Variants in CDKN2A observed in about 807,000 individuals in gnomAD.
The protein encoded by CDKN2A is cyclin dependent kinase inhibitor 2A.
In CDKN2A, 3 loss-of-function variants were observed where a neutral mutation model predicts 11.1. The ratio of observed to expected loss-of-function variants is 0.27; its 90% CI spans 0.12 to 0.70. CDKN2A has a LOEUF of 0.70. CDKN2A is among the 30% of genes least tolerant of loss of function. The pLI, the probability that CDKN2A is intolerant of heterozygous loss-of-function variation, is 0.77. For missense variants in CDKN2A, 265 were observed against 233.6 expected (o/e 1.13, Z -0.88); for synonymous variants, 122 against 108.1 (o/e 1.13, Z -0.80).
rs1238403905 is a variant in CDKN2A at position 21,974,181 on chromosome 9, C to T, written c.150+497G>A. Among the ~76,000 whole-genome samples, 1 of 152,146 alleles carries T rather than the reference C, an allele frequency of 6.6e-6. No homozygotes were observed. Among genetic ancestry groups the T allele is most frequent in the African/African-American group, 2.4e-5 (1 of 41,390 alleles). ...GAAGGGATTACAAGGCGTGAGGCAC[C>T]GCGCCCGGCCGCTTCTGAATAATTT... On this transcript the variant is annotated intron_variant, in intron 1 of 2. Transcript: ENST00000304494. The surrounding 1 kb of genome is among the most constrained non-coding windows in gnomAD (Gnocchi z 5.2).
rs6413463 is a variant in CDKN2A, at chr9:21,970,990, A to T, written c.369T>A (p.His123Gln). The change falls in exon 2 of 3, where the codon CAT (histidine) becomes CAA (glutamine). Residue 123 changes from histidine to glutamine, a missense_variant. Physicochemically the swap from His to Gln is conservative, Grantham distance 24. Coordinates refer to ENST00000304494, the MANE Select transcript of CDKN2A (RefSeq NM_000077.5). The stretch of plus-strand genomic sequence containing the variant: ...CGCGCAGGTACCGTGCGACATCGCG[A>T]TGGCCCAGCTCCTCAGCCAGGTCCA... ...LPVDLAEELG[H>Q]RDVARYLRAA... The T allele has an allele frequency of 2.2e-4, 359 of 1,610,194 alleles. 1 individual carries two copies. In the African/African-American group the frequency reaches 4.6e-3, roughly 20 times the overall value.
chr9:21,977,786 G>A (rs1004555924), upstream of CDKN2A, among the ~76,000 whole-genome samples: 1 of 152,092 alleles, frequency 6.6e-6, no homozygotes, highest in Non-Finnish European at 1.5e-5. Context: ...AAAAAGATGT[G>A]TTCACTTGCA....
upstream of CDKN2A, chr9:21,975,241 A>T (rs1819991940): frequency 1.1e-6 from 1 of 912,852 alleles, no homozygotes; most frequent in South Asian, 4.7e-5. Context: ...CTGCCAGCAA[A>T]GGCGTGTTTG....
At chr9:21,992,148 A>C in intron 2 of CDKN2A, 8 of 822,188 alleles carry the variant, frequency 9.7e-6, no homozygotes, top group Non-Finnish European at 1.0e-5. Flanking sequence ...AAAAAAAGTT[A>C]AAATAACATC....
chr9:21,980,167 T>A (rs72693613), intron 2 of CDKN2A, among the ~76,000 whole-genome samples: 3,808 of 152,124 alleles, frequency 0.025, 63 homozygotes, highest in Non-Finnish European at 0.038. Context: ...CTTTTGAGAT[T>A]ATTTCTAGAT....
upstream of CDKN2A, among the ~76,000 whole-genome samples, chr9:21,979,166 G>A (rs924761436): frequency 1.3e-5 from 2 of 152,218 alleles, no homozygotes; most frequent in African/African-American, 4.8e-5. Context: ...AGAGGTAAGA[G>A]GATGTGCAAA....
At chr9:21,975,061 T>C, upstream of CDKN2A, 1 of 1,334,520 alleles carries the variant, frequency 7.5e-7, no homozygotes, top group African/African-American at 1.5e-5. Flanking sequence ...TCCGAGCACT[T>C]AGCGAATGTG....
chr9:21,981,175 C>T (rs1280874115), intron 2 of CDKN2A, among the ~76,000 whole-genome samples: 2 of 76,094 alleles, frequency 2.6e-5, no homozygotes, highest in African/African-American at 5.1e-5. Flanking sequence ...TATATATATA[C>T]GTGTATATAT....
chr9:21,968,758 GTTTCCGATCA>G lies in CDKN2A; in HGVS notation c.458-526_458-517del, dbSNP rs1205416745. The G allele has an allele frequency of 1.3e-6, 2 of 1,535,960 alleles. No individual in the cohort carries two copies. The highest frequency in any genetic ancestry group is 3.9e-5 in the Admixed American group (2 of 50,958). The stretch of plus-strand genomic sequence containing the variant: ...GCCTGCTTCTACAAACCCACAAATG[GTTTCCGATCA>G]TTTCTGAAACAAAATGGATGCTCAT... On this transcript the variant is annotated intron_variant, in intron 2 of 2. Transcript: ENST00000304494. This position sits in a 1 kb window ranked among gnomAD's most constrained non-coding sequence, Gnocchi z 4.7.
At position 21,991,923 on chromosome 9, in the gene CDKN2A, A is replaced by G. The variant is rs1820439383; in HGVS notation, c.-4+1959T>C. 5.1e-5 allele frequency: 50 copies of G among 985,138 alleles called. No individual in the cohort carries two copies. Among genetic ancestry groups the G allele is most frequent in the Non-Finnish European group, 5.8e-5 (48 of 829,662 alleles). 61.0% of individuals were successfully genotyped at this position (985,138 alleles called of 1,614,324 possible). On this transcript the variant is annotated intron_variant, in intron 2 of 3. Transcript: ENST00000494262. The surrounding 1 kb of genome is among the most constrained non-coding windows in gnomAD (Gnocchi z 5.2). ...CTCTGTGCTATTAAAGAAAAAAATA[A>G]CCTGAGCCTTCTGAAGTAGCTATAA...
In CDKN2A at chr9:21,988,383, A is replaced by G. The variant is rs768419220; in HGVS notation, c.-4+5499T>C. Among the ~76,000 whole-genome samples, 6 of 152,184 alleles carry G rather than the reference A, an allele frequency of 3.9e-5. No individual in the cohort carries two copies. The highest frequency in any genetic ancestry group is 9.7e-5 in the African/African-American group (4 of 41,448). On this transcript the variant is annotated intron_variant, in intron 2 of 3. Transcript: ENST00000494262. This position sits in a 1 kb window ranked among gnomAD's most constrained non-coding sequence, Gnocchi z 4.1. ...GACCTCTGATGCTTTGGGAATTTCA[A>G]TCCTGTAGTTGATGGCTTTCACTTT... is the stretch of plus-strand genomic sequence containing the variant.
rs1819931949 is a variant in CDKN2A at position 21,974,524 on chromosome 9, G to A, written c.150+154C>T. ...CAAGCCCCCAGGGCGTCGCCAGGAG[G>A]AGGTCTGTGATTACAAACCCCTTCT... is the stretch of plus-strand genomic sequence containing the variant. On this transcript the variant is annotated intron_variant, in intron 1 of 2. Transcript: ENST00000304494. This position sits in a 1 kb window ranked among gnomAD's most constrained non-coding sequence, Gnocchi z 5.2. 1 of 1,613,272 alleles carries A rather than the reference G, an allele frequency of 6.2e-7. No homozygotes were observed. Among genetic ancestry groups the A allele is most frequent in the Non-Finnish European group, 8.5e-7 (1 of 1,179,950 alleles).
At chr9:21,982,179 T>A (rs1037830737) in intron 2 of CDKN2A, among the ~76,000 whole-genome samples, 1 of 152,210 alleles carries the variant, frequency 6.6e-6, no homozygotes, top group Non-Finnish European at 1.5e-5. Flanking sequence ...AATTCTTTGA[T>A]GTGTTGTAGA....
chr9:21,987,302 T>C (rs895909202), intron 2 of CDKN2A, among the ~76,000 whole-genome samples: 3 of 151,820 alleles, frequency 2.0e-5, no homozygotes, highest in Non-Finnish European at 4.4e-5. Flanking sequence ...TGTGAAACAC[T>C]TGTGCTTTGA....
chr9:21,986,844 G>A (rs1302103803), intron 2 of CDKN2A, among the ~76,000 whole-genome samples: 2 of 151,968 alleles, frequency 1.3e-5, no homozygotes, highest in Non-Finnish European at 1.5e-5. Flanking sequence ...CAAAGTGTCC[G>A]ATGTTGGACA....
Position 21,981,142 on chromosome 9 carries a change from GTATA to G in CDKN2A, c.-3-9938_-3-9935del, listed in dbSNP as rs1273290299. Among the ~76,000 whole-genome samples the G allele has an allele frequency of 1.8e-3, 35 of 19,650 alleles. 17 individuals are homozygous for G. In the East Asian group the frequency reaches 0.18, roughly 104 times the overall value. The allele number at this position is 19,650 out of a possible 152,430, so 12.9% of individuals were successfully genotyped here. A position where few individuals can be genotyped will look rare whatever the true frequency, so the allele number is the denominator to read the frequency against. On this transcript the variant is annotated intron_variant, in intron 2 of 3. Transcript: ENST00000494262. ...TATACGTGTATATATATATATACGT[GTATA>G]TATATATATACGTGTATATATATAT...
At position 21,994,309 on chromosome 9, in the gene CDKN2A, G is replaced by C. The variant is rs1820536698; in HGVS notation, c.-175-256C>G. 6.2e-7 allele frequency: 1 copy of C among 1,605,138 alleles called. No individual in the cohort carries two copies. Among genetic ancestry groups the C allele is most frequent in the South Asian group, 1.1e-5 (1 of 90,806 alleles). ...GCCGCACGCGCGCCGAATCCGGAGG[G>C]TCACCAAGAACCTGCGCACCATGTT... On this transcript the variant is annotated intron_variant, in intron 1 of 3. Coordinates refer to the CDKN2A transcript ENST00000494262.
chr9:21,986,946 G>A (rs1379765037), intron 2 of CDKN2A, among the ~76,000 whole-genome samples: 1 of 151,964 alleles, frequency 6.6e-6, no homozygotes, highest in African/African-American at 2.4e-5. Flanking sequence ...CAATTGCTGA[G>A]TCAGATGATC....
chr9:21,992,319 CATT>C (rs1820447018), intron 2 of CDKN2A: 1 of 844,890 alleles, frequency 1.2e-6, no homozygotes, highest in Admixed American at 6.2e-5. Context: ...AATTACATAT[CATT>C]ATAATTAACA....
Sources: allele counts gnomAD v4.1 joint callset (sites outside exome capture counted in the v4.1 genomes callset), GRCh38; gene constraint gnomAD v4.1.1; non-coding constraint Gnocchi (gnomAD v3.1); transcripts MANE v1.5; gene names NCBI Gene and HGNC (gene_info 2026-07-23, HGNC 2026-07-21).